OPCML: variants seen among roughly 807,000 people sequenced by gnomAD.
OPCML encodes the protein opioid-binding protein/cell adhesion molecule.
In OPCML, 13 loss-of-function variants were observed where a neutral mutation model predicts 37.8. The observed-to-expected ratio is 0.34, with a 90% confidence interval of 0.22 to 0.55. OPCML has a LOEUF of 0.55. Ranked by LOEUF, OPCML falls within the 20% of genes least tolerant of loss-of-function variation. The pLI, the probability that OPCML is intolerant of heterozygous loss-of-function variation, is 0.91. For synonymous variants in OPCML, 176 were observed against 168.8 expected (o/e 1.04, Z -0.33); for missense variants, 341 against 435.6 (o/e 0.78, Z 1.93).
At chr11:132,587,158 A>G (rs985036739) in intron 3 of OPCML, among the ~76,000 whole-genome samples, 5 of 152,230 alleles carry the variant, frequency 3.3e-5, no homozygotes, top group Non-Finnish European at 5.9e-5. Flanking sequence ...GCATGGGGAA[A>G]GATGCAAAGT....
At chr11:133,309,158 T>G (rs895271988) in intron 1 of OPCML, among the ~76,000 whole-genome samples, 37 of 152,274 alleles carry the variant, frequency 2.4e-4, no homozygotes, top group African/African-American at 8.9e-4. Flanking sequence ...CAAGATACAT[T>G]TCTCTCTACA....
chr11:133,007,364 G>A (rs1208735807), intron 1 of OPCML: 1 of 985,332 alleles, frequency 1.0e-6, no homozygotes, highest in Non-Finnish European at 1.2e-6. Flanking sequence ...TGTGTGATTA[G>A]CTCAGCCACA....
At chr11:132,443,182 G>A (rs952630683) in intron 4 of OPCML, among the ~76,000 whole-genome samples, 2 of 152,218 alleles carry the variant, frequency 1.3e-5, no homozygotes, top group African/African-American at 4.8e-5. Context: ...AACACAGAGA[G>A]CAACATTTCT....
rs141197687 is a variant in OPCML at position 133,102,422 on chromosome 11, C to T, written c.62-159412G>A. 8.0e-3 allele frequency among the ~76,000 whole-genome samples: 1,219 copies of T among 152,272 alleles called. 60 individuals carry two copies. Among genetic ancestry groups the T allele is most frequent in the Admixed American group, 0.067 (1,029 of 15,296 alleles). On this transcript the variant is annotated intron_variant, in intron 1 of 7. Coordinates refer to ENST00000524381, the MANE Select transcript of OPCML (RefSeq NM_001012393.5). ...TCTCAGGATGAGACAAGCTCTTAAA[C>T]ATCTACTATTCTGGGAAATGCATTC...
chr11:132,624,689 C>T (rs747195193), intron 3 of OPCML, among the ~76,000 whole-genome samples: 21 of 152,092 alleles, frequency 1.4e-4, no homozygotes, highest in South Asian at 2.1e-4. Context: ...AGTTTCTAGT[C>T]GTAACTCCAC....
At chr11:133,279,479 G>A (rs892499357) in intron 1 of OPCML, among the ~76,000 whole-genome samples, 9 of 152,254 alleles carry the variant, frequency 5.9e-5, no homozygotes, top group South Asian at 4.2e-4. Flanking sequence ...ATAAGCAGCC[G>A]TCTGGCTAAA....
At chr11:133,216,330 C>T (rs557182191) in intron 1 of OPCML, among the ~76,000 whole-genome samples, 1 of 152,270 alleles carries the variant, frequency 6.6e-6, no homozygotes, top group South Asian at 2.1e-4. Context: ...GAGAAATGAG[C>T]CATTCTTGCA....
intron 1 of OPCML, among the ~76,000 whole-genome samples, chr11:133,336,699 T>C (rs1943751510): frequency 6.6e-6 from 1 of 152,218 alleles, no homozygotes; most frequent in Admixed American, 6.5e-5. Flanking sequence ...ATGGGCAGAT[T>C]GCTGTTGCTA....
chr11:132,796,753 A>G (rs867149426), intron 2 of OPCML, among the ~76,000 whole-genome samples: 1 of 151,118 alleles, frequency 6.6e-6, no homozygotes, highest in African/African-American at 2.4e-5. Context: ...AATTTTTTGT[A>G]TTTTTTAGTA....
rs141960179 is a variant in OPCML, at chr11:132,781,134, T to G, written c.147-123815A>C. 2.1e-3 allele frequency among the ~76,000 whole-genome samples: 325 copies of G among 152,284 alleles called. 1 individual carries two copies. The highest frequency in any genetic ancestry group is 3.9e-3 in the Non-Finnish European group (268 of 68,030). On this transcript the variant is annotated intron_variant, in intron 2 of 7. Transcript: ENST00000524381. ...AGAAACTTGGAGGATGAATTTCATG[T>G]GTCAAGCTAATGAGGCCACAGCGTG... is the stretch of plus-strand genomic sequence containing the variant.
intron 1 of OPCML, among the ~76,000 whole-genome samples, chr11:133,479,706 C>T (rs1436661930): frequency 6.6e-6 from 1 of 152,188 alleles, no homozygotes; most frequent in East Asian, 1.9e-4. Context: ...CCACCCAAGT[C>T]GCACAGTCTC....
chr11:133,466,876 A>G (rs1019041094), intron 1 of OPCML, among the ~76,000 whole-genome samples: 3 of 152,210 alleles, frequency 2.0e-5, no homozygotes, highest in African/African-American at 4.8e-5. Context: ...CATGTAGCCA[A>G]TGGAAGAAAA....
chr11:133,161,985 CT>C (rs553617547), intron 1 of OPCML, among the ~76,000 whole-genome samples: 3,030 of 85,278 alleles, frequency 0.036, 43 homozygotes, highest in African/African-American at 0.12. Context: ...CAGTCTCTGT[CT>C]TTTTTTTTTT....
chr11:133,482,886 C>T (rs558150023), intron 1 of OPCML, among the ~76,000 whole-genome samples: 20 of 151,688 alleles, frequency 1.3e-4, no homozygotes, highest in Non-Finnish European at 2.5e-4. Context: ...TAAACAAACG[C>T]CCAAAATGTT....
chr11:132,942,879 C>A (rs773976326), intron 2 of OPCML, 47 bp downstream of exon 2: 19 of 1,583,698 alleles, frequency 1.2e-5, no homozygotes, highest in Admixed American at 1.7e-5. Flanking sequence ...CTCTCCCCAG[C>A]GACCACAGCC....
chr11:133,182,856 C>G (rs1480573646), intron 1 of OPCML, among the ~76,000 whole-genome samples: 1 of 152,114 alleles, frequency 6.6e-6, no homozygotes, highest in Non-Finnish European at 1.5e-5. Flanking sequence ...TCATAGATGC[C>G]TGTTCTCTCA....
chr11:133,210,017 T>G (rs1348879394), intron 1 of OPCML, among the ~76,000 whole-genome samples: 1 of 152,186 alleles, frequency 6.6e-6, no homozygotes, highest in African/African-American at 2.4e-5. Flanking sequence ...CAATTTAATT[T>G]AAGTATGCAT....
At position 133,532,300 on chromosome 11, in the gene OPCML, C is replaced by T; in HGVS notation, c.25G>A (p.Val9Ile). MYHPAYWVVFSATTALLFI... is the reference protein window; with the variant it reads MYHPAYWVIFSATTALLFI... ...AGCAGGGCAGTTGTCGCCGAGAAGA[C>T]GACCCAGTAGGCAGGATGGTACATC... Residue 9 changes from valine to isoleucine, a missense_variant, in exon 1 of 8, where the codon GTC (valine) becomes ATC (isoleucine). Coordinates refer to ENST00000524381, the MANE Select transcript of OPCML (RefSeq NM_001012393.5). The T allele has an allele frequency of 3.1e-6, 5 of 1,613,996 alleles. No individual in the cohort carries two copies. The highest frequency in any genetic ancestry group is 4.2e-6 in the Non-Finnish European group (5 of 1,179,970).
chr11:132,854,848 G>A (rs1371245355), intron 2 of OPCML, among the ~76,000 whole-genome samples: 2 of 152,186 alleles, frequency 1.3e-5, no homozygotes, highest in Non-Finnish European at 2.9e-5. Flanking sequence ...CAAAGATTAT[G>A]ACAGAGAGAA....
Sources: gnomAD v4.1 joint callset for allele counts (sites outside exome capture counted in the v4.1 genomes callset) on GRCh38, gnomAD v4.1.1 for gene constraint, MANE v1.5 for transcripts, NCBI Gene and HGNC (gene_info 2026-07-23, HGNC 2026-07-21) for gene names.